The following WNK1 variants were observed in gnomAD, a reference collection of about 807,000 sequenced individuals.
The protein encoded by WNK1 is serine/threonine-protein kinase WNK1.
Under a neutral mutation model 222.8 loss-of-function variants are expected in WNK1, and 38 were observed. That is an observed-to-expected ratio of 0.17 (90% CI 0.13 to 0.22). WNK1 has a LOEUF of 0.22. Ranked by LOEUF, WNK1 falls within the 10% of genes least tolerant of loss-of-function variation. The pLI, the probability that WNK1 is intolerant of heterozygous loss-of-function variation, is 1.00. For missense variants in WNK1, 2,348 were observed against 2,918.4 expected (o/e 0.80, Z 4.50); for synonymous variants, 1,090 against 1,092.9 (o/e 1.00, Z 0.05).
intron 1 of WNK1, among the ~76,000 whole-genome samples, chr12:758,056 AAAG>A (rs1940433158): frequency 7.1e-6 from 1 of 140,368 alleles, no homozygotes; most frequent in Admixed American, 7.0e-5. Flanking sequence ...AAAAAAAAAG[AAAG>A]AAAGAAAAAG....
chr12:905,445 A>G (rs1955612534), intron 26 of WNK1, among the ~76,000 whole-genome samples: 2 of 152,206 alleles, frequency 1.3e-5, no homozygotes, highest in South Asian at 2.1e-4. Context: ...GCCTCGCAGC[A>G]TCAGGGGCGA....
chr12:843,841 A>G (rs1334755116), intron 4 of WNK1, among the ~76,000 whole-genome samples: 1 of 152,184 alleles, frequency 6.6e-6, no homozygotes, highest in Admixed American at 6.5e-5. Flanking sequence ...ACATAGTCCA[A>G]GGGTGATTCA....
intron 2 of WNK1, among the ~76,000 whole-genome samples, chr12:825,001 C>G (rs555087911): frequency 6.6e-6 from 1 of 152,192 alleles, no homozygotes; most frequent in African/African-American, 2.4e-5. Context: ...CTTCAGTATG[C>G]ATTTCGTTAG....
chr12:825,474 A>G (rs1948279429), intron 2 of WNK1, among the ~76,000 whole-genome samples: 1 of 152,178 alleles, frequency 6.6e-6, no homozygotes, highest in African/African-American at 2.4e-5. Flanking sequence ...TAAGGTTTTC[A>G]TATAACCCCT....
intron 3 of WNK1, among the ~76,000 whole-genome samples, chr12:829,595 C>T (rs1464942330): frequency 6.6e-6 from 1 of 152,128 alleles, no homozygotes; most frequent in Non-Finnish European, 1.5e-5. Flanking sequence ...TTTTTAAACC[C>T]ATCATCTTAT....
rs1321074137 is a variant in WNK1, at chr12:896,331, GACA to G, written c.5847_5849del (p.Thr1951del). On this transcript the variant is annotated inframe_deletion, in exon 24 of 28. Coordinates refer to ENST00000315939, the MANE Select transcript of WNK1 (RefSeq NM_018979.4). ...CTACCAAGGTTGGACGTTTTCAGGT[GACA>G]ACTACAGCAAACAAAGTGGGTCGTT... is the stretch of plus-strand genomic sequence containing the variant. 4 of 1,614,186 alleles carry G rather than the reference GACA, an allele frequency of 2.5e-6. No homozygotes were observed. The South Asian group carries it at 4.4e-5, about 18-fold the overall frequency.
intron 2 of WNK1, among the ~76,000 whole-genome samples, chr12:815,375 G>A (rs1201602239): frequency 6.6e-6 from 1 of 152,192 alleles, no homozygotes; most frequent in Non-Finnish European, 1.5e-5. Flanking sequence ...GGAATACAGT[G>A]TTACAGCACC....
intron 1 of WNK1, among the ~76,000 whole-genome samples, chr12:768,382 C>T (rs1418987802): frequency 4.6e-5 from 7 of 152,058 alleles, no homozygotes; most frequent in Admixed American, 2.0e-4. Flanking sequence ...GTGATCTGCC[C>T]GCCTCGGCCT....
In WNK1 at chr12:900,652, C is replaced by T. The variant is rs1399741291; in HGVS notation, c.6625C>T (p.Leu2209Phe). Reference sequence around the variant, plus strand: ...TGATGGTGCCATTTCAGTACCAAGCCTTTCTGCTCCAGGTCAAGGTAATAA... The same window carrying T: ...TGATGGTGCCATTTCAGTACCAAGCTTTTCTGCTCCAGGTCAAGGTAATAA... The part of the protein sequence containing the change: ...TSDGAISVPS[L>F]SAPGQGTSST... Residue 2209 changes from leucine to phenylalanine, a missense_variant, in exon 26 of 28, where the codon CTT becomes TTT. Physicochemically the swap from Leu to Phe is conservative, Grantham distance 22. This residue lies in a region of WNK1 where 1,144 missense variants were observed against 1,273.6 expected (regional missense o/e 0.90). Coordinates refer to ENST00000315939, the MANE Select transcript of WNK1 (RefSeq NM_018979.4). The T allele has an allele frequency of 1.2e-6, 2 of 1,614,072 alleles. No homozygotes were observed. Among genetic ancestry groups the T allele is most frequent in the African/African-American group, 2.7e-5 (2 of 74,920 alleles).
Position 884,090 on chromosome 12 carries a change from A to G in WNK1, c.3722-31A>G, listed in dbSNP as rs748598674. 1 of 1,613,634 alleles carries G rather than the reference A, an allele frequency of 6.2e-7. No homozygotes were observed. Among genetic ancestry groups the G allele is most frequent in the Admixed American group, 1.7e-5 (1 of 59,998 alleles). ...CAATATTTATAATAATAATGCTATT[A>G]AGTTACGTTTGTTTGTTTGTTTTTG... is the stretch of plus-strand genomic sequence containing the variant. On this transcript the variant is annotated intron_variant, in intron 17 of 27. Transcript: ENST00000315939. This position sits in a 1 kb window ranked among gnomAD's most constrained non-coding sequence, Gnocchi z 5.6.
At chr12:770,597 A>G (rs535658218) in intron 1 of WNK1, among the ~76,000 whole-genome samples, 1 of 152,336 alleles carries the variant, frequency 6.6e-6, no homozygotes, top group African/African-American at 2.4e-5. Context: ...ATGCTACAGC[A>G]AATTTACTAC....
chr12:894,736 G>A (rs1954589507), intron 23 of WNK1, 101 bp downstream of exon 23: 3 of 1,069,030 alleles, frequency 2.8e-6, no homozygotes, highest in Non-Finnish European at 1.5e-6. Flanking sequence ...TGCCAGTCTA[G>A]TGATTTCTGT....
rs1391656490 is a variant in WNK1 at position 907,941 on chromosome 12, C to T, written c.6738C>T (p.Phe2246=). 1 of 1,614,084 alleles carries T rather than the reference C, an allele frequency of 6.2e-7. No individual in the cohort carries two copies. The highest frequency in any genetic ancestry group is 8.5e-7 in the Non-Finnish European group (1 of 1,180,052). The change falls in exon 27 of 28, where the codon TTC becomes TTT. Residue 2246 remains phenylalanine, a synonymous_variant. Coordinates refer to ENST00000315939, the MANE Select transcript of WNK1 (RefSeq NM_018979.4). ...PAMTSSRKGT[F]TDDLHKLVDN... is the part of the protein sequence containing the mutation. Reference sequence around the variant, plus strand: ...TGACGTCCAGCAGGAAGGGCACATTCACAGATGACTTGCACAAGTTGGTAG... The same window carrying T: ...TGACGTCCAGCAGGAAGGGCACATTTACAGATGACTTGCACAAGTTGGTAG...
chr12:873,496 C>T (rs567230964), intron 9 of WNK1, among the ~76,000 whole-genome samples: 15 of 152,120 alleles, frequency 9.9e-5, no homozygotes, highest in African/African-American at 3.4e-4. Flanking sequence ...ATTGAGCCCT[C>T]GATATATATA....
rs774868565 is a variant in WNK1 at position 758,700 on chromosome 12, C to G, written c.759+4376C>G. 6.8e-5 allele frequency among the ~76,000 whole-genome samples: 10 copies of G among 147,108 alleles called. 3 individuals are homozygous for G. Among genetic ancestry groups the G allele is most frequent in the Non-Finnish European group, 1.5e-4 (10 of 65,994 alleles). On this transcript the variant is annotated intron_variant, in intron 1 of 27. Transcript: ENST00000315939. The stretch of plus-strand genomic sequence containing the variant: ...TTATCTTTTAAATTTGTGCCACATT[C>G]CTTATTTTTTAGGATGAGAATCAGC...
chr12:776,404 T>TTGTGTTTGTGTG (rs1555082767), intron 1 of WNK1, among the ~76,000 whole-genome samples: 1 of 56,552 alleles, frequency 1.8e-5, no homozygotes, highest in Non-Finnish European at 3.7e-5. Context: ...CTGTGTGTGT[T>TTGTGTTTGTGTG]TGTGTGTTTG....
chr12:808,544 A>G (rs1946596379), intron 1 of WNK1, among the ~76,000 whole-genome samples: 1 of 151,096 alleles, frequency 6.6e-6, no homozygotes, highest in African/African-American at 2.4e-5. Context: ...TGTATCTGCT[A>G]CTTTTAGCAT....
At chr12:894,128 G>T (rs143184233) in intron 22 of WNK1, among the ~76,000 whole-genome samples, 34 of 152,194 alleles carry the variant, frequency 2.2e-4, no homozygotes, top group African/African-American at 8.2e-4. Flanking sequence ...TGAGGCAGGA[G>T]GATCACCTGA....
chr12:757,309 CTTTTTTTTTTTT>C lies in WNK1; in HGVS notation c.759+2998_759+3009del, dbSNP rs946901263. Among the ~76,000 whole-genome samples the C allele has an allele frequency of 1.8e-4, 15 of 83,604 alleles. No individual in the cohort carries two copies. The Admixed American group carries it at 2.4e-3, about 13-fold the overall frequency. 54.8% of individuals were successfully genotyped at this position (83,604 alleles called of 152,430 possible). The stretch of plus-strand genomic sequence containing the variant: ...CTCTTTAGTAAAACAAGCATCAATT[CTTTTTTTTTTTT>C]TTTTTTTTTTTTAAAAAAAAAAAGA... On this transcript the variant is annotated intron_variant, in intron 1 of 27. Transcript: ENST00000315939.
Sources: allele counts gnomAD v4.1 joint callset (sites outside exome capture counted in the v4.1 genomes callset), GRCh38; gene constraint gnomAD v4.1.1; regional missense constraint gnomAD v4.1.1; non-coding constraint Gnocchi (gnomAD v3.1); transcripts MANE v1.5; gene names NCBI Gene and HGNC (gene_info 2026-07-23, HGNC 2026-07-21).